Variants in MTCH1 observed in about 807,000 individuals in gnomAD.
MTCH1 encodes mitochondrial carrier homolog 1.
A neutral mutation model predicts 49.3 loss-of-function variants in MTCH1; 23 were observed. The ratio of observed to expected loss-of-function variants is 0.47; its 90% CI spans 0.34 to 0.66. MTCH1 has a LOEUF of 0.66. Among genes scored for constraint, MTCH1 ranks in the 30% least tolerant of loss-of-function variants. The pLI, the probability that MTCH1 is intolerant of heterozygous loss-of-function variation, is 0.01. For synonymous variants in MTCH1, 229 were observed against 215.2 expected (o/e 1.06, Z -0.56); for missense variants, 397 against 532.1 (o/e 0.75, Z 2.50).
chr6:36,970,685 C>A lies in MTCH1; in HGVS notation c.916G>T (p.Ala306Ser). Residue 306 changes from alanine to serine, a missense_variant, in exon 9 of 12, where the codon GCC becomes TCC. Physicochemically the swap from Ala to Ser is moderately conservative, Grantham distance 99 (BLOSUM62 1). This residue lies in a region of MTCH1 where 252 missense variants were observed against 388.3 expected (regional missense o/e 0.65). Coordinates refer to ENST00000373627, the MANE Select transcript of MTCH1 (RefSeq NM_001271641.2). ...TTGGTATAGCTCCGGATGGCCAGGG[C>A]CTGGCTGAACTGAGGAGACAGAAGG... is the stretch of plus-strand genomic sequence containing the variant. ...DQNPGSQFSQ[A>S]LAIRSYTKFV... 1 of 1,614,124 alleles carries A rather than the reference C, an allele frequency of 6.2e-7. No homozygotes were observed. Among genetic ancestry groups the A allele is most frequent in the Non-Finnish European group, 8.5e-7 (1 of 1,180,018 alleles).
At chr6:36,969,607 A>C in intron 11 of MTCH1, 1 of 1,184,412 alleles carries the variant, frequency 8.4e-7, no homozygotes, top group Non-Finnish European at 1.1e-6. Flanking sequence ...GGGCCCAGGA[A>C]TGTCCTGCAG....
rs574718038 is a variant in MTCH1, at chr6:36,983,749, G to C, written c.322-2077C>G. Among the ~76,000 whole-genome samples, 6 of 152,132 alleles carry C rather than the reference G, an allele frequency of 3.9e-5. No homozygotes were observed. The East Asian group carries it at 9.7e-4, about 24-fold the overall frequency. ...CTAATCTAAGGCACTGCATTCTTAC[G>C]CACCTAATCTAGACAATCCCCAAAT... On this transcript the variant is annotated intron_variant, in intron 1 of 11. Coordinates refer to ENST00000373627, the MANE Select transcript of MTCH1 (RefSeq NM_001271641.2).
intron 3 of MTCH1, 50 bp downstream of exon 3, chr6:36,978,455 G>A (rs368284021): frequency 1.5e-5 from 24 of 1,565,060 alleles, no homozygotes; most frequent in Non-Finnish European, 1.1e-5. Flanking sequence ...GGGGTGGCTG[G>A]GAGTATGAGG....
At chr6:36,984,817 G>C (rs1432331475) in intron 1 of MTCH1, among the ~76,000 whole-genome samples, 1 of 151,912 alleles carries the variant, frequency 6.6e-6, no homozygotes, top group Non-Finnish European at 1.5e-5. Flanking sequence ...TCCCTACCTC[G>C]GTCTCAATTT....
chr6:36,970,301 A>C, intron 10 of MTCH1, 105 bp downstream of exon 10: 1 of 1,509,082 alleles, frequency 6.6e-7, no homozygotes, highest in Non-Finnish European at 9.2e-7. Context: ...CCAAGCCTAC[A>C]CACAGAGCAG....
chr6:36,970,095 G>C lies in MTCH1; in HGVS notation c.1042C>G (p.Pro348Ala), dbSNP rs745972175. Reference sequence around the variant, plus strand: ...CAGGATTTGAACACTGGGGAGTAAGGGGGGAGCCCAGCTTGCAGCCTGCCG... The same window carrying C: ...CAGGATTTGAACACTGGGGAGTAAGCGGGGAGCCCAGCTTGCAGCCTGCCG... Reference protein sequence around the residue: ...NNCGLQAGLPPYSPVFKSWIH... With the variant: ...NNCGLQAGLPAYSPVFKSWIH... Residue 348 changes from proline to alanine, a missense_variant, in exon 11 of 12, where the codon CCT becomes GCT. By Grantham distance (27) the Pro-to-Ala change is conservative. This residue lies in a region of MTCH1 where 252 missense variants were observed against 388.3 expected (regional missense o/e 0.65). Coordinates refer to ENST00000373627, the MANE Select transcript of MTCH1 (RefSeq NM_001271641.2). 1.9e-6 allele frequency: 3 copies of C among 1,614,066 alleles called. No individual in the cohort carries two copies. Among genetic ancestry groups the C allele is most frequent in the East Asian group, 2.2e-5 (1 of 44,874 alleles).
intron 7 of MTCH1, among the ~76,000 whole-genome samples, chr6:36,974,886 A>G (rs988752065): frequency 7.2e-5 from 11 of 152,226 alleles, no homozygotes; most frequent in African/African-American, 2.4e-4. Flanking sequence ...CGTTTGTGAC[A>G]TACTTATCAG....
In MTCH1 at chr6:36,972,622, AAAG is replaced by A; in HGVS notation, c.906+27_906+29del. ...GACCCTGGGCATCAGCAGCACACGGAAAGAAGGACAAGTCCTTGTTCCAACCAA... is the reference window on the plus strand; with the variant it reads ...GACCCTGGGCATCAGCAGCACACGGAAAGGACAAGTCCTTGTTCCAACCAA... On this transcript the variant is annotated intron_variant, in intron 8 of 11. Transcript: ENST00000373627. This position sits in a 1 kb window ranked among gnomAD's most constrained non-coding sequence, Gnocchi z 4.1. The A allele has an allele frequency of 3.3e-6, 5 of 1,536,758 alleles. No homozygotes were observed. The highest frequency in any genetic ancestry group is 2.7e-5 in the African/African-American group (2 of 72,878).
In MTCH1 at chr6:36,977,992, CT is replaced by C; in HGVS notation, c.591+85del. ...CATACACAAGGACCCAACTCTTCGACTTGTCAATGACCCGCCCAACTTGGGG... is the reference window on the plus strand; with the variant it reads ...CATACACAAGGACCCAACTCTTCGACTGTCAATGACCCGCCCAACTTGGGG... On this transcript the variant is annotated intron_variant, in intron 4 of 11. Transcript: ENST00000373627. The surrounding 1 kb of genome is among the most constrained non-coding windows in gnomAD (Gnocchi z 5.4). 1 of 1,246,856 alleles carries C rather than the reference CT, an allele frequency of 8.0e-7. No individual in the cohort carries two copies. The highest frequency in any genetic ancestry group is 1.2e-6 in the Non-Finnish European group (1 of 848,126). The allele number at this position is 1,246,856 out of a possible 1,614,324, so 77.2% of individuals were successfully genotyped here.
chr6:36,972,916 C>T lies in MTCH1; in HGVS notation c.762-120G>A. The T allele has an allele frequency of 9.5e-7, 1 of 1,049,336 alleles. No homozygotes were observed. Among genetic ancestry groups the T allele is most frequent in the Non-Finnish European group, 1.4e-6 (1 of 722,408 alleles). The allele number at this position is 1,049,336 out of a possible 1,614,324, so 65.0% of individuals were successfully genotyped here. On this transcript the variant is annotated intron_variant, in intron 7 of 11. Coordinates refer to ENST00000373627, the MANE Select transcript of MTCH1 (RefSeq NM_001271641.2). This position sits in a 1 kb window ranked among gnomAD's most constrained non-coding sequence, Gnocchi z 4.1. ...CAAAATCTTAGCATATCCAATGGCA[C>T]AGCCTTAGAAAGGAGGCCTGCAGGG...
intron 7 of MTCH1, 81 bp downstream of exon 7, chr6:36,975,577 G>T: frequency 7.2e-7 from 1 of 1,381,986 alleles, no homozygotes; most frequent in Non-Finnish European, 1.0e-6. Context: ...CAGGCCAGCA[G>T]CTGCGGTCTG....
chr6:36,972,614 GC>G lies in MTCH1; in HGVS notation c.906+37del. 6.5e-7 allele frequency: 1 copy of G among 1,533,846 alleles called. No individual in the cohort carries two copies. The highest frequency in any genetic ancestry group is 1.7e-4 in the Middle Eastern group (1 of 5,864). ...TTGTCCCAGACCCTGGGCATCAGCAGCACACGGAAAGAAGGACAAGTCCTTG... is the reference window on the plus strand; with the variant it reads ...TTGTCCCAGACCCTGGGCATCAGCAGACACGGAAAGAAGGACAAGTCCTTG... On this transcript the variant is annotated intron_variant, in intron 8 of 11. Coordinates refer to ENST00000373627, the MANE Select transcript of MTCH1 (RefSeq NM_001271641.2). This position sits in a 1 kb window ranked among gnomAD's most constrained non-coding sequence, Gnocchi z 4.1.
At chr6:36,971,445 T>C (rs1223825517) in intron 8 of MTCH1, among the ~76,000 whole-genome samples, 4 of 152,062 alleles carry the variant, frequency 2.6e-5, no homozygotes, top group African/African-American at 9.7e-5. Context: ...AGCGGTGCAC[T>C]CCTGGCCACC....
chr6:36,968,830 T>C lies in MTCH1; in HGVS notation c.*73A>G, dbSNP rs697750. 27,585 of 1,607,046 alleles carry C rather than the reference T, an allele frequency of 0.017. 1,423 individuals carry two copies. In the African/African-American group the frequency reaches 0.18, roughly 10 times the overall value. On this transcript the variant is annotated 3_prime_UTR_variant, in exon 12 of 12. Transcript: ENST00000373627. ...GGTTGTTGTTGGGTTGGAGTCGTCT[T>C]GCAGGTGTCCCAAGGTGGTCAGGCC...
intron 7 of MTCH1, among the ~76,000 whole-genome samples, chr6:36,974,927 G>A (rs908357487): frequency 3.3e-5 from 5 of 152,072 alleles, no homozygotes. Flanking sequence ...CCTTAAAACG[G>A]CAAATCAAAA....
chr6:36,978,566 C>T lies in MTCH1; in HGVS notation c.452G>A (p.Gly151Asp). Residue 151 changes from glycine (G) to aspartate (D), a missense_variant, in exon 3 of 12, where the codon GGC becomes GAC. By Grantham distance (94) the Gly-to-Asp change is moderately conservative. Coordinates refer to ENST00000373627, the MANE Select transcript of MTCH1 (RefSeq NM_001271641.2). The stretch of plus-strand genomic sequence containing the variant: ...GTTGGACATCAGCCGGGGACTCAGG[C>T]CTCGGAACAGCCCTATCTTACCATC... ...QVDGKIGLFR[G>D]LSPRLMSNAL... 2 of 1,614,148 alleles carry T rather than the reference C, an allele frequency of 1.2e-6. No individual in the cohort carries two copies. The highest frequency in any genetic ancestry group is 1.7e-6 in the Non-Finnish European group (2 of 1,180,012).
intron 1 of MTCH1, among the ~76,000 whole-genome samples, chr6:36,983,381 G>A (rs1293877341): frequency 6.6e-6 from 1 of 152,118 alleles, no homozygotes; most frequent in Non-Finnish European, 1.5e-5. Context: ...CTGCTCTTTT[G>A]CTGTCCTTAT....
At chr6:36,971,213 C>T (rs879383195) in intron 8 of MTCH1, among the ~76,000 whole-genome samples, 1 of 152,180 alleles carries the variant, frequency 6.6e-6, no homozygotes, top group Admixed American at 6.5e-5. Context: ...TCCTGTGGAG[C>T]GGCCATCCCA....
chr6:36,985,962 C>T lies in MTCH1; in HGVS notation c.212G>A (p.Gly71Asp). Residue 71 changes from glycine (G) to aspartate (D), a missense_variant, in exon 1 of 12, where the codon GGC (glycine) becomes GAC (aspartate). Coordinates refer to ENST00000373627, the MANE Select transcript of MTCH1 (RefSeq NM_001271641.2). ...CGGGGCGTTGTCCCCAGACCCCAGG[C>T]CCCCTGACCCGCCATCCATCCTGCG... ...SARRMDGGSG[G>D]LGSGDNAPTT... 6.5e-7 allele frequency: 1 copy of T among 1,549,032 alleles called. No individual in the cohort carries two copies. The highest frequency in any genetic ancestry group is 8.7e-7 in the Non-Finnish European group (1 of 1,146,828).
Sources: gnomAD v4.1 joint callset for allele counts (sites outside exome capture counted in the v4.1 genomes callset) on GRCh38, gnomAD v4.1.1 for gene constraint, gnomAD v4.1.1 regional missense constraint, Gnocchi (gnomAD v3.1) non-coding constraint, MANE v1.5 for transcripts, NCBI Gene and HGNC (gene_info 2026-07-23, HGNC 2026-07-21) for gene names.